C11orf65: variants seen among roughly 807,000 people sequenced by gnomAD.
C11orf65 encodes chromosome 11 open reading frame 65, also known as protein MFI.
In C11orf65, 38 loss-of-function variants were observed where a neutral mutation model predicts 35.3. The ratio of observed to expected loss-of-function variants is 1.08; its 90% CI spans 0.83 to 1.41. C11orf65 has a LOEUF of 1.41. Ranked by LOEUF, C11orf65 falls within the 40% of genes most tolerant of loss-of-function variation. The pLI is 0.00. For synonymous variants in C11orf65, 105 were observed against 114.4 expected, an observed-to-expected ratio of 0.92 and a Z score of 0.53; for missense variants, 370 against 367.1, an observed-to-expected ratio of 1.01 and a Z score of -0.06.
At chr11:108,376,216 A>G (rs2091721266) in intron 2 of C11orf65, among the ~76,000 whole-genome samples, 1 of 152,064 alleles carries the variant, frequency 6.6e-6, no homozygotes, top group Admixed American at 6.5e-5. Flanking sequence ...TCCAAAATTG[A>G]CCACATAGTT....
chr11:108,389,628 T>A (rs923375819), intron 7 of C11orf65, among the ~76,000 whole-genome samples: 2 of 152,206 alleles, frequency 1.3e-5, no homozygotes, highest in Admixed American at 1.3e-4. Context: ...CACTCCTATA[T>A]GCTATGAAGA....
chr11:108,327,479 G>T (rs375184319), downstream of C11orf65: 18 of 593,568 alleles, frequency 3.0e-5, no homozygotes, highest in East Asian at 8.9e-5. Context: ...TTCCTACATG[G>T]GATTATTAAA....
intron 6 of C11orf65, among the ~76,000 whole-genome samples, chr11:108,316,842 C>T (rs191634003): frequency 0.013 from 2,033 of 150,678 alleles, 21 homozygotes; most frequent in South Asian, 0.023. Context: ...AGGAGAATGG[C>T]GTGAACCTGG....
chr11:108,370,304 T>C (rs1453158249), intron 2 of C11orf65, among the ~76,000 whole-genome samples: 1 of 152,112 alleles, frequency 6.6e-6, no homozygotes, highest in Admixed American at 6.5e-5. Flanking sequence ...AGTAAGCTCT[T>C]TTAATTCTTT....
intron 1 of C11orf65, 24 bp from the exon 2 acceptor site, chr11:108,461,592 G>A (rs2093474210): frequency 2.3e-6 from 3 of 1,319,130 alleles, no homozygotes; most frequent in Admixed American, 2.1e-5. Flanking sequence ...AGCAAAAAGG[G>A]TACATTTAAA....
At chr11:108,426,357 G>A (rs2092902562) in intron 3 of C11orf65, among the ~76,000 whole-genome samples, 1 of 151,990 alleles carries the variant, frequency 6.6e-6, no homozygotes, top group Non-Finnish European at 1.5e-5. Flanking sequence ...ACCAATAATA[G>A]ACAATCAGAG....
chr11:108,410,696 ATTTCCT>A (rs2092638290), intron 3 of C11orf65, among the ~76,000 whole-genome samples: 1 of 133,630 alleles, frequency 7.5e-6, no homozygotes, highest in South Asian at 2.4e-4. Flanking sequence ...TATCTTCACT[ATTTCCT>A]TCCTTTTACT....
At chr11:108,327,908 G>A, downstream of C11orf65, 2 of 734,250 alleles carry the variant, frequency 2.7e-6, no homozygotes, top group Non-Finnish European at 4.5e-6. Context: ...AGTCTCTAGG[G>A]TGGAGTGAAA....
At chr11:108,466,176 G>A (rs547149971) in intron 1 of C11orf65, among the ~76,000 whole-genome samples, 26 of 152,260 alleles carry the variant, frequency 1.7e-4, no homozygotes, top group Admixed American at 3.3e-4. Flanking sequence ...GGGTGGGACC[G>A]TTGCTGGCTT....
intron 2 of C11orf65, among the ~76,000 whole-genome samples, chr11:108,345,181 G>A (rs965042992): frequency 1.3e-5 from 2 of 152,092 alleles, no homozygotes; most frequent in African/African-American, 4.8e-5. Context: ...ATGCTGAATG[G>A]GCAGCTTGAG....
intron 2 of C11orf65, among the ~76,000 whole-genome samples, chr11:108,455,924 TG>T (rs1181223401): frequency 1.4e-5 from 2 of 145,470 alleles, no homozygotes; most frequent in African/African-American, 5.2e-5. Flanking sequence ...GAGGCCAAGG[TG>T]GGTAGATCAC....
downstream of C11orf65, among the ~76,000 whole-genome samples, chr11:108,379,069 C>T (rs934587334): frequency 1.3e-5 from 2 of 151,984 alleles, no homozygotes; most frequent in East Asian, 1.9e-4. Context: ...GTCAGTGTGG[C>T]GATTCCTCGG....
chr11:108,343,265 C>T lies in C11orf65; in HGVS notation c.227-7973G>A, dbSNP rs771781881. 4 of 1,613,950 alleles carry T rather than the reference C, an allele frequency of 2.5e-6. No individual in the cohort carries two copies. The highest frequency in any genetic ancestry group is 2.2e-5 in the East Asian group (1 of 44,866). ...CGAAGTGGTGTTCTTGAATGGTGCA[C>T]AGGAACTGTCCCCATTGGTGAATTT... is the stretch of plus-strand genomic sequence containing the variant. On this transcript the variant is annotated intron_variant, in intron 2 of 3. Coordinates refer to the C11orf65 transcript ENST00000524755.
chr11:108,349,129 CTG>C lies in C11orf65; in HGVS notation c.227-13839_227-13838del, dbSNP rs1295205391. 5.3e-5 allele frequency among the ~76,000 whole-genome samples: 8 copies of C among 152,242 alleles called. No individual in the cohort carries two copies. In the South Asian group the frequency reaches 1.2e-3, roughly 24 times the overall value. On this transcript the variant is annotated intron_variant, in intron 2 of 3. Transcript: ENST00000524755. ...TTGGAAAGGCTGAGCCAGAAAAAAA[CTG>C]AGAAGTACTCAAAGGAAGTCAGGAT...
At chr11:108,317,650 T>TACACACACACACACACAC (rs1261995220) in intron 6 of C11orf65, 1 of 130,252 alleles carries the variant, frequency 7.7e-6, no homozygotes, top group African/African-American at 4.6e-5. Flanking sequence ...TATATATATA[T>TACACACACACACACACAC]ATACACACAC....
intron 2 of C11orf65, among the ~76,000 whole-genome samples, chr11:108,443,133 G>A (rs927235707): frequency 1.7e-4 from 26 of 152,058 alleles, no homozygotes; most frequent in African/African-American, 6.3e-4. Context: ...GATCTAACAA[G>A]CAAATGGAAA....
chr11:108,343,120 A>T (rs759211155), intron 2 of C11orf65: 40 of 1,450,996 alleles, frequency 2.8e-5, no homozygotes, highest in Non-Finnish European at 3.8e-5. Context: ...TATTAATACA[A>T]CTTGAAAAAA....
intron 2 of C11orf65, among the ~76,000 whole-genome samples, chr11:108,454,246 G>C (rs1370645682): frequency 6.7e-6 from 1 of 149,624 alleles, no homozygotes; most frequent in African/African-American, 2.4e-5. Context: ...TTGTATTTCT[G>C]TAGTATCAGT....
At chr11:108,327,677 A>G (rs2136374637), downstream of C11orf65, 1 of 1,613,978 alleles carries the variant, frequency 6.2e-7, no homozygotes, top group Non-Finnish European at 8.5e-7. Context: ...CATACACAGA[A>G]TGTCTGAGGG....
Sources: allele counts gnomAD v4.1 joint callset (sites outside exome capture counted in the v4.1 genomes callset), GRCh38; gene constraint gnomAD v4.1.1; transcripts MANE v1.5; gene names NCBI Gene and HGNC (gene_info 2026-07-23, HGNC 2026-07-21).